The following DTNA variants were observed in gnomAD, a reference collection of about 807,000 sequenced individuals.
DTNA encodes the protein dystrobrevin alpha.
Under a neutral mutation model 100.7 loss-of-function variants are expected in DTNA, and 43 were observed. The ratio of observed to expected loss-of-function variants is 0.43; its 90% confidence interval spans 0.33 to 0.55. The LOEUF is 0.55. Among genes scored for constraint, DTNA ranks in the 20% least tolerant of loss-of-function variants. The probability of loss-of-function intolerance (pLI) is 0.04; values close to 1 mark genes in which losing one functional copy is unlikely to be tolerated. For missense variants in DTNA, 798 were observed against 953.9 expected (o/e 0.84, Z 2.15); for synonymous variants, 349 against 347.9 (o/e 1.00, Z -0.04).
At chr18:34,625,410 T>C (rs777623462) in intron 1 of DTNA, among the ~76,000 whole-genome samples, 1 of 152,054 alleles carries the variant, frequency 6.6e-6, no homozygotes, top group African/African-American at 2.4e-5. Flanking sequence ...TGGTGTCAGA[T>C]AATCTGCCTG....
intron 5 of DTNA, among the ~76,000 whole-genome samples, chr18:34,809,853 T>G (rs1299463743): frequency 2.0e-5 from 3 of 152,196 alleles, no homozygotes; most frequent in African/African-American, 7.2e-5. Context: ...TAATTTCCAG[T>G]AATTAGGGCA....
intron 1 of DTNA, among the ~76,000 whole-genome samples, chr18:34,618,779 C>A (rs1196307658): frequency 1.3e-5 from 2 of 152,018 alleles, no homozygotes; most frequent in African/African-American, 4.8e-5. Flanking sequence ...ATGAGGAAAA[C>A]CTGTATTTTT....
intron 1 of DTNA, among the ~76,000 whole-genome samples, chr18:34,710,661 TGTGTGTGTGTGGGA>T (rs994736657): frequency 6.9e-6 from 1 of 145,534 alleles, no homozygotes. Flanking sequence ...TTTATGGCAG[TGTGTGTGTGTGGGA>T]GTGTGTGTGT....
chr18:34,785,446 T>C (rs768077963), intron 3 of DTNA, among the ~76,000 whole-genome samples: 4 of 152,192 alleles, frequency 2.6e-5, no homozygotes, highest in Non-Finnish European at 5.9e-5. Context: ...TAAATTTTAA[T>C]GCCTCTCTGT....
At chr18:34,582,516 C>T (rs368303669) in intron 1 of DTNA, among the ~76,000 whole-genome samples, 5 of 152,064 alleles carry the variant, frequency 3.3e-5, no homozygotes, top group Admixed American at 6.6e-5. Flanking sequence ...CAGGGCAGCC[C>T]GTCCCCACAA....
chr18:34,816,403 A>T (rs1243830279), intron 7 of DTNA, among the ~76,000 whole-genome samples: 1 of 152,164 alleles, frequency 6.6e-6, no homozygotes, highest in Non-Finnish European at 1.5e-5. Flanking sequence ...GGTGGGAGAA[A>T]TGAGAAAAAA....
chr18:34,529,249 C>G (rs2042923679), intron 1 of DTNA, among the ~76,000 whole-genome samples: 1 of 151,896 alleles, frequency 6.6e-6, no homozygotes, highest in Non-Finnish European at 1.5e-5. Context: ...GCCTTTTATC[C>G]TAGTAAATAT....
At chr18:34,616,829 G>A (rs1315532449) in intron 1 of DTNA, among the ~76,000 whole-genome samples, 1 of 152,070 alleles carries the variant, frequency 6.6e-6, no homozygotes, top group Non-Finnish European at 1.5e-5. Context: ...TCTTATTGTA[G>A]AGATCTTTCA....
chr18:34,501,851 A>G (rs948036483), intron 1 of DTNA, among the ~76,000 whole-genome samples: 15 of 152,156 alleles, frequency 9.9e-5, no homozygotes, highest in African/African-American at 1.4e-4. Context: ...TCAGTGCTCA[A>G]GCATCCCTGG....
At chr18:34,784,874 C>T (rs924057864) in intron 3 of DTNA, among the ~76,000 whole-genome samples, 1 of 152,036 alleles carries the variant, frequency 6.6e-6, no homozygotes, top group Non-Finnish European at 1.5e-5. Flanking sequence ...CAATCTTTCT[C>T]CATATGTTAC....
At chr18:34,548,043 A>G (rs546984355) in intron 1 of DTNA, among the ~76,000 whole-genome samples, 1 of 152,302 alleles carries the variant, frequency 6.6e-6, no homozygotes, top group Admixed American at 6.5e-5. Flanking sequence ...ATTGAAGACA[A>G]TATTTTTGGA....
chr18:34,563,767 T>G (rs2046843795), intron 1 of DTNA, among the ~76,000 whole-genome samples: 1 of 152,148 alleles, frequency 6.6e-6, no homozygotes, highest in Non-Finnish European at 1.5e-5. Flanking sequence ...CCACCAAAAT[T>G]TAGAGACACT....
At chr18:34,753,029 A>C (rs1432577969) in intron 1 of DTNA, among the ~76,000 whole-genome samples, 1 of 152,234 alleles carries the variant, frequency 6.6e-6, no homozygotes, top group Non-Finnish European at 1.5e-5. Context: ...ATTTCATGGA[A>C]ACCAAACTTA....
At chr18:34,758,426 G>C (rs1183834968) in intron 2 of DTNA, among the ~76,000 whole-genome samples, 1 of 152,198 alleles carries the variant, frequency 6.6e-6, no homozygotes, top group East Asian at 1.9e-4. Context: ...CAAGACTATT[G>C]CAACAAGGGA....
intron 10 of DTNA, 51 bp downstream of exon 10, chr18:34,827,727 T>G (rs1176193857): frequency 1.3e-6 from 2 of 1,557,924 alleles, no homozygotes; most frequent in African/African-American, 2.7e-5. Context: ...TAATGAGCCT[T>G]GATTCTGTGG....
chr18:34,618,098 T>C (rs2055695525), intron 1 of DTNA, among the ~76,000 whole-genome samples: 1 of 152,148 alleles, frequency 6.6e-6, no homozygotes, highest in South Asian at 2.1e-4. Flanking sequence ...TAGTGAGTAG[T>C]TCAGATTGTT....
At chr18:34,688,496 T>G (rs2145767164) in intron 1 of DTNA, among the ~76,000 whole-genome samples, 1 of 152,340 alleles carries the variant, frequency 6.6e-6, no homozygotes, top group East Asian at 1.9e-4. Flanking sequence ...TTGTAGCGTT[T>G]CTGCTGAGAG....
At chr18:34,811,698 C>T (rs891513227) in intron 5 of DTNA, among the ~76,000 whole-genome samples, 1 of 152,122 alleles carries the variant, frequency 6.6e-6, no homozygotes, top group African/African-American at 2.4e-5. Context: ...TTATTAAAGA[C>T]ATTTAATAAG....
chr18:34,716,636 T>C (rs1212290355), intron 1 of DTNA, among the ~76,000 whole-genome samples: 2 of 152,200 alleles, frequency 1.3e-5, no homozygotes. Context: ...ACTGTTGACT[T>C]CCCAACTCTT....
Sources: allele counts gnomAD v4.1 joint callset (sites outside exome capture counted in the v4.1 genomes callset), GRCh38; gene constraint gnomAD v4.1.1; transcripts MANE v1.5; gene names NCBI Gene and HGNC (gene_info 2026-07-23, HGNC 2026-07-21).